DSCAM: variants seen among roughly 807,000 people sequenced by gnomAD.
DSCAM encodes the protein cell adhesion molecule DSCAM.
Under a neutral mutation model 217.7 loss-of-function variants are expected in DSCAM, and 47 were observed. The observed-to-expected ratio is 0.22, with a 90% confidence interval of 0.17 to 0.28. DSCAM has a LOEUF of 0.28. DSCAM is among the 10% of genes least tolerant of loss of function. DSCAM has a pLI of 1.00. For synonymous variants in DSCAM, 1,056 were observed against 1,015.3 expected (o/e 1.04, Z -0.76); for missense variants, 2,080 against 2,618.3 (o/e 0.79, Z 4.49).
At chr21:40,817,075 T>TAA (rs2091886954) in intron 1 of DSCAM, among the ~76,000 whole-genome samples, 1 of 138,918 alleles carries the variant, frequency 7.2e-6, no homozygotes, top group Non-Finnish European at 1.6e-5. Flanking sequence ...AGATATGCAG[T>TAA]AAATTAGATT....
At chr21:40,369,062 A>G in intron 4 of DSCAM, 37 bp downstream of exon 4, 1 of 1,557,938 alleles carries the variant, frequency 6.4e-7, no homozygotes. Context: ...ACAAAGAAAT[A>G]GCAGACATAG....
chr21:40,692,921 G>C lies in DSCAM; in HGVS notation c.397C>G (p.Gln133Glu). The change falls in exon 3 of 33, where the codon CAG (glutamine) becomes GAG (glutamate). Residue 133 changes from glutamine to glutamate, a missense_variant. By Grantham distance (29) the Gln-to-Glu change is conservative. Around this residue, in one of 5 missense-constraint regions of DSCAM, gnomAD observed 568 missense variants for 678.1 expected, o/e 0.84. Coordinates refer to ENST00000400454, the MANE Select transcript of DSCAM (RefSeq NM_001389.5). ...GCAACATTGCCTCTCATGGTTTTCTGGTCCTCCACACGGACTGTATAGGGC... is the reference window on the plus strand; with the variant it reads ...GCAACATTGCCTCTCATGGTTTTCTCGTCCTCCACACGGACTGTATAGGGC... The part of the protein sequence containing the change: ...REPYTVRVED[Q>E]KTMRGNVAVF... 6.2e-7 allele frequency: 1 copy of C among 1,613,946 alleles called. No homozygotes were observed. Among genetic ancestry groups the C allele is most frequent in the Non-Finnish European group, 8.5e-7 (1 of 1,179,892 alleles).
chr21:40,408,092 T>C (rs1300947719), intron 3 of DSCAM, among the ~76,000 whole-genome samples: 1 of 151,874 alleles, frequency 6.6e-6, no homozygotes, highest in Non-Finnish European at 1.5e-5. Context: ...TGCCTGAAAA[T>C]AGGTTTGTGT....
At chr21:40,458,860 T>C (rs1372972838) in intron 3 of DSCAM, among the ~76,000 whole-genome samples, 1 of 152,108 alleles carries the variant, frequency 6.6e-6, no homozygotes, top group Non-Finnish European at 1.5e-5. Context: ...TTAGAACTTA[T>C]CAGGATTTAT....
chr21:40,459,069 T>C (rs1057378037), intron 3 of DSCAM, among the ~76,000 whole-genome samples: 2 of 150,984 alleles, frequency 1.3e-5, no homozygotes, highest in Admixed American at 6.6e-5. Flanking sequence ...CTAAAAGAAC[T>C]AGAAAAAAAA....
At chr21:40,318,339 A>T (rs943104284) in intron 8 of DSCAM, among the ~76,000 whole-genome samples, 20 of 147,470 alleles carry the variant, frequency 1.4e-4, no homozygotes, top group African/African-American at 4.9e-4. Context: ...GTATAATTAA[A>T]AAAAAAAAAA....
chr21:40,834,786 AC>A (rs1189903330), intron 1 of DSCAM, among the ~76,000 whole-genome samples: 4 of 151,864 alleles, frequency 2.6e-5, no homozygotes, highest in African/African-American at 9.7e-5. Context: ...AGGCCTCCAG[AC>A]CCCCCAGGAA....
At chr21:40,489,762 G>A (rs11701992) in intron 3 of DSCAM, among the ~76,000 whole-genome samples, 60,281 of 117,472 alleles carry the variant, frequency 0.51, 14,880 homozygotes, top group African/African-American at 0.6. Flanking sequence ...GCGACAGGGC[G>A]AGACTCCGTC....
chr21:40,558,298 AT>A (rs1182099001), intron 3 of DSCAM, among the ~76,000 whole-genome samples: 1 of 151,946 alleles, frequency 6.6e-6, no homozygotes, highest in Non-Finnish European at 1.5e-5. Context: ...ATACAAAAAA[AT>A]TAGCTGGGCA....
chr21:40,144,873 A>G lies in DSCAM; in HGVS notation c.3019-142T>C. On this transcript the variant is annotated intron_variant, in intron 16 of 32. Coordinates refer to ENST00000400454, the MANE Select transcript of DSCAM (RefSeq NM_001389.5). The surrounding 1 kb of genome is among the most constrained non-coding windows in gnomAD (Gnocchi z 4.8). ...GGGCGGTGGTCCGGTAGCAGCCGCA[A>G]ACCCACGTACAGTGCAACTTGGTCT... is the stretch of plus-strand genomic sequence containing the variant. The G allele has an allele frequency of 8.2e-7, 1 of 1,214,630 alleles. No individual in the cohort carries two copies. Among genetic ancestry groups the G allele is most frequent in the South Asian group, 1.4e-5 (1 of 69,388 alleles). 75.2% of individuals were successfully genotyped at this position (1,214,630 alleles called of 1,614,324 possible).
At chr21:40,674,472 A>T (rs762085706) in intron 3 of DSCAM, among the ~76,000 whole-genome samples, 6 of 152,190 alleles carry the variant, frequency 3.9e-5, no homozygotes, top group Non-Finnish European at 7.3e-5. Flanking sequence ...AGAATATTTT[A>T]AACACACATG....
intron 4 of DSCAM, among the ~76,000 whole-genome samples, chr21:40,356,554 C>A (rs367876939): frequency 2.0e-5 from 3 of 152,184 alleles, no homozygotes; most frequent in South Asian, 2.1e-4. Flanking sequence ...TGCTTAAAGG[C>A]GACTTAGCTG....
At chr21:40,721,741 A>C (rs1276588082) in intron 1 of DSCAM, among the ~76,000 whole-genome samples, 1 of 152,128 alleles carries the variant, frequency 6.6e-6, no homozygotes, top group Non-Finnish European at 1.5e-5. Flanking sequence ...AAAATGAGAT[A>C]CAGAAAAAAA....
intron 15 of DSCAM, among the ~76,000 whole-genome samples, chr21:40,170,817 G>T (rs2090648926): frequency 6.6e-6 from 1 of 152,196 alleles, no homozygotes; most frequent in Non-Finnish European, 1.5e-5. Context: ...AAGCCAGTTT[G>T]TTAGGAATTG....
chr21:40,315,378 T>C (rs985895393), intron 8 of DSCAM, among the ~76,000 whole-genome samples: 3 of 150,582 alleles, frequency 2.0e-5, no homozygotes, highest in East Asian at 2.0e-4. Flanking sequence ...CACTCCAGCA[T>C]GGGAGACAGA....
intron 32 of DSCAM, among the ~76,000 whole-genome samples, chr21:40,037,870 A>G (rs1486515429): frequency 6.8e-6 from 1 of 146,664 alleles, no homozygotes; most frequent in East Asian, 2.0e-4. Context: ...CTGCATATCT[A>G]CAACTATCTG....
intron 20 of DSCAM, among the ~76,000 whole-genome samples, chr21:40,115,226 A>C (rs1267078871): frequency 6.6e-6 from 1 of 152,156 alleles, no homozygotes; most frequent in African/African-American, 2.4e-5. Context: ...ACGGAACACT[A>C]TGCAGCCATA....
intron 32 of DSCAM, among the ~76,000 whole-genome samples, chr21:40,026,314 G>C (rs13051049): frequency 0.36 from 43,020 of 120,542 alleles, 9,848 homozygotes; most frequent in Middle Eastern, 0.41. Flanking sequence ...TTTTGGAATA[G>C]GTGTGGTGTG....
intron 9 of DSCAM, among the ~76,000 whole-genome samples, chr21:40,297,291 AGGATTTTAATATGTATCACAT>A (rs1310034881): frequency 6.6e-6 from 1 of 152,210 alleles, no homozygotes; most frequent in Non-Finnish European, 1.5e-5. Flanking sequence ...ATAAGCCATT[AGGATTTTAATATGTATCACAT>A]CTCTTAGAAA....
Sources: gnomAD v4.1 joint callset for allele counts (sites outside exome capture counted in the v4.1 genomes callset) on GRCh38, gnomAD v4.1.1 for gene constraint, gnomAD v4.1.1 regional missense constraint, Gnocchi (gnomAD v3.1) non-coding constraint, MANE v1.5 for transcripts, NCBI Gene and HGNC (gene_info 2026-07-23, HGNC 2026-07-21) for gene names.